The following DSCAM variants were observed in gnomAD, a reference collection of about 807,000 sequenced individuals.
The protein encoded by DSCAM is DS cell adhesion molecule.
DSCAM carries 47 observed loss-of-function variants against 217.7 expected under a neutral mutation model. That is an observed-to-expected ratio of 0.22 (90% confidence interval 0.17 to 0.28). DSCAM has a LOEUF of 0.28. Ranked by LOEUF, DSCAM falls within the 10% of genes least tolerant of loss-of-function variation. The pLI is 1.00. For missense variants in DSCAM, 2,080 were observed against 2,618.3 expected, an observed-to-expected ratio of 0.79 and a Z score of 4.49; for synonymous variants, 1,056 against 1,015.3, an observed-to-expected ratio of 1.04 and a Z score of -0.76.
chr21:40,054,279 A>G lies in DSCAM; in HGVS notation c.5035+1446T>C, dbSNP rs183991834. ...GGGCAGGTAGTGCCACCTCACATAC[A>G]TGGTTTAACTGAAGTGTTTCACTGA... On this transcript the variant is annotated intron_variant, in intron 29 of 32. Transcript: ENST00000400454. Among the ~76,000 whole-genome samples the G allele has an allele frequency of 6.4e-4, 98 of 152,316 alleles. 2 individuals carry two copies. Among genetic ancestry groups the G allele is most frequent in the Admixed American group, 5.9e-3 (91 of 15,302 alleles).
At chr21:40,275,967 G>T in intron 11 of DSCAM, 130 bp downstream of exon 11, 1 of 959,178 alleles carries the variant, frequency 1.0e-6, no homozygotes, top group Non-Finnish European at 1.5e-6. Context: ...TTTAAACCCA[G>T]CTATATCACA....
intron 11 of DSCAM, among the ~76,000 whole-genome samples, chr21:40,198,422 C>G (rs1234096581): frequency 1.3e-5 from 2 of 152,164 alleles, no homozygotes; most frequent in African/African-American, 4.8e-5. Flanking sequence ...TGTGCCCCAC[C>G]ACATGCCTGG....
At chr21:40,825,998 C>T (rs2091965576) in intron 1 of DSCAM, among the ~76,000 whole-genome samples, 1 of 152,186 alleles carries the variant, frequency 6.6e-6, no homozygotes, top group Non-Finnish European at 1.5e-5. Flanking sequence ...TACTGGGCAC[C>T]TGCAGCCTGT....
chr21:40,363,721 C>T (rs2074794310), intron 4 of DSCAM, among the ~76,000 whole-genome samples: 1 of 152,138 alleles, frequency 6.6e-6, no homozygotes, highest in Admixed American at 6.5e-5. Context: ...GCAAAAGAAA[C>T]TACCATCAGA....
At chr21:40,283,365 C>T (rs897476558) in intron 10 of DSCAM, among the ~76,000 whole-genome samples, 11 of 152,196 alleles carry the variant, frequency 7.2e-5, no homozygotes, top group Non-Finnish European at 1.5e-4. Flanking sequence ...AATTTCAATG[C>T]TCCGTTACAT....
intron 3 of DSCAM, among the ~76,000 whole-genome samples, chr21:40,648,985 C>T (rs12482304): frequency 0.38 from 57,950 of 152,022 alleles, 11,880 homozygotes; most frequent in East Asian, 0.6. Context: ...ATGGCAGGCC[C>T]GGGGCTGAGC....
intron 4 of DSCAM, among the ~76,000 whole-genome samples, chr21:40,366,998 A>G (rs1261719271): frequency 6.6e-6 from 1 of 151,906 alleles, no homozygotes; most frequent in East Asian, 1.9e-4. Flanking sequence ...GCTCAATTTG[A>G]TTTCTAAATT....
chr21:40,355,499 C>G (rs1207883840), intron 4 of DSCAM, among the ~76,000 whole-genome samples: 1 of 152,134 alleles, frequency 6.6e-6, no homozygotes, highest in Non-Finnish European at 1.5e-5. Flanking sequence ...GTGATGTTCC[C>G]AAGGTCATAA....
At chr21:40,111,615 A>T (rs1047494440) in intron 20 of DSCAM, among the ~76,000 whole-genome samples, 53 of 152,270 alleles carry the variant, frequency 3.5e-4, no homozygotes, top group East Asian at 1.9e-3. Flanking sequence ...AAAGACACTG[A>T]CTGGCAAATT....
At chr21:40,829,025 C>A (rs1299976958) in intron 1 of DSCAM, among the ~76,000 whole-genome samples, 1 of 152,202 alleles carries the variant, frequency 6.6e-6, no homozygotes, top group Admixed American at 6.5e-5. Context: ...CCTGCCCTGT[C>A]CTACTCCCCT....
Position 40,559,171 on chromosome 21 carries a change from A to AGTAC in DSCAM, c.508+133638_508+133639insGTAC, listed in dbSNP as rs144632950. ...ATTTGGAAGAATGAATTCTCCAGTT[A>AGTAC]AAGTAGGCCGGGCACGGTGGCTCAA... On this transcript the variant is annotated intron_variant, in intron 3 of 32. Transcript: ENST00000400454. 2.6e-4 allele frequency among the ~76,000 whole-genome samples: 40 copies of AGTAC among 151,736 alleles called. 1 individual carries two copies. Among genetic ancestry groups the AGTAC allele is most frequent in the African/African-American group, 8.2e-4 (34 of 41,492 alleles).
intron 3 of DSCAM, among the ~76,000 whole-genome samples, chr21:40,495,380 A>G (rs1309253971): frequency 2.0e-5 from 3 of 152,208 alleles, no homozygotes; most frequent in East Asian, 1.9e-4. Flanking sequence ...GAATGGTTCA[A>G]TACATGCAAA....
chr21:40,719,127 AACAC>A (rs111670493), intron 1 of DSCAM, among the ~76,000 whole-genome samples: 2 of 151,078 alleles, frequency 1.3e-5, no homozygotes, highest in East Asian at 1.9e-4. Context: ...AAAGAAGAAA[AACAC>A]ACACACACAC....
Position 40,692,962 on chromosome 21 carries a change from A to G in DSCAM, c.362-6T>C. ...TGTATAGGGCTCCCGTAAAACTGGA[A>G]GGCAGAAAGAGGACGTCAGTAAGGC... On this transcript the variant is annotated splice_region_variant and splice_polypyrimidine_tract_variant and intron_variant, in intron 2 of 32. Transcript: ENST00000400454. 6.3e-7 allele frequency: 1 copy of G among 1,599,220 alleles called. No individual in the cohort carries two copies. The highest frequency in any genetic ancestry group is 2.2e-5 in the East Asian group (1 of 44,510).
intron 3 of DSCAM, among the ~76,000 whole-genome samples, chr21:40,602,057 T>TTTC (rs1268358920): frequency 1.4e-5 from 2 of 141,482 alleles, no homozygotes; most frequent in Non-Finnish European, 3.1e-5. Flanking sequence ...CTTCTACTTT[T>TTTC]TTTTTTTTTT....
intron 3 of DSCAM, among the ~76,000 whole-genome samples, chr21:40,609,746 T>C (rs1055138051): frequency 6.6e-6 from 1 of 152,186 alleles, no homozygotes; most frequent in African/African-American, 2.4e-5. Context: ...GAGAGGTAAG[T>C]GGATAAAATA....
intron 3 of DSCAM, among the ~76,000 whole-genome samples, chr21:40,538,846 A>T (rs1228990298): frequency 6.6e-6 from 1 of 152,180 alleles, no homozygotes; most frequent in African/African-American, 2.4e-5. Flanking sequence ...CTAATTTATT[A>T]TTCGGGGTCT....
intron 18 of DSCAM, among the ~76,000 whole-genome samples, chr21:40,137,766 G>C (rs1374586455): frequency 6.6e-6 from 1 of 152,076 alleles, no homozygotes; most frequent in Non-Finnish European, 1.5e-5. Flanking sequence ...AAATAGTTTT[G>C]TGTATTTATA....
chr21:40,484,949 C>T (rs997215800), intron 3 of DSCAM, among the ~76,000 whole-genome samples: 1 of 152,194 alleles, frequency 6.6e-6, no homozygotes, highest in Non-Finnish European at 1.5e-5. Context: ...TCATGGAGGT[C>T]ACCTTTCTTT....
Sources: allele counts gnomAD v4.1 joint callset (sites outside exome capture counted in the v4.1 genomes callset), GRCh38; gene constraint gnomAD v4.1.1; transcripts MANE v1.5; gene names NCBI Gene and HGNC (gene_info 2026-07-23, HGNC 2026-07-21).